Variants in MGAM2 observed in about 807,000 individuals in gnomAD.
MGAM2 encodes maltase-glucoamylase 2 (putative), also known as probable maltase-glucoamylase 2.
MGAM2 carries 98 observed loss-of-function variants against 96.1 expected under a neutral mutation model. The ratio of observed to expected loss-of-function variants is 1.02; its 90% CI spans 0.87 to 1.21. The LOEUF (loss-of-function observed/expected upper bound fraction) is 1.21, where lower values mean the gene tolerates loss of function less well. Ranked by LOEUF, MGAM2 falls within the 50% of genes most tolerant of loss-of-function variation. The pLI is 0.00. For synonymous variants in MGAM2, 749 were observed against 414.8 expected (o/e 1.81, Z -9.79); for missense variants, 2,055 against 1,182.4 (o/e 1.74, Z -10.82).
At chr7:142,156,723 A>G (rs190730922) in intron 17 of MGAM2, among the ~76,000 whole-genome samples, 8 of 152,238 alleles carry the variant, frequency 5.3e-5, no homozygotes, top group African/African-American at 1.9e-4. Flanking sequence ...GGTCTCATGG[A>G]GTCATTCTAT....
At position 142,196,184 on chromosome 7, in the gene MGAM2, G is replaced by T; in HGVS notation, c.4377G>T (p.Gly1459=). The T allele has an allele frequency of 8.3e-7, 1 of 1,202,366 alleles. No homozygotes were observed. The allele number at this position is 1,202,366 out of a possible 1,614,324, so 74.5% of individuals were successfully genotyped here. The change falls in exon 38 of 48, where the codon GGG becomes GGT. Residue 1459 remains glycine, a synonymous_variant. Transcript: ENST00000477922. The part of the protein sequence containing the change: ...EAVQEVTGQR[G]VIITRSTFPS... ...TGCAGGAGGTGACAGGACAGCGAGG[G>T]GTCATCATCACCCGCTCCACATTTC... is the stretch of plus-strand genomic sequence containing the variant.
At chr7:142,147,594 C>T (rs1167476811) in intron 15 of MGAM2, 21 bp downstream of exon 15, 5 of 697,358 alleles carry the variant, frequency 7.2e-6, no homozygotes, top group African/African-American at 1.7e-5. Context: ...GGTTTTCACC[C>T]TAATTCCAGA....
intron 37 of MGAM2, among the ~76,000 whole-genome samples, chr7:142,193,088 C>T (rs564712664): frequency 4.6e-5 from 7 of 152,102 alleles, no homozygotes; most frequent in Non-Finnish European, 8.8e-5. Flanking sequence ...AATCTTTCAA[C>T]TCCCTCTCAT....
Position 142,221,221 on chromosome 7 carries a change from T to C in MGAM2, c.6710T>C (p.Met2237Thr). The C allele has an allele frequency of 1.4e-6, 1 of 701,860 alleles. No homozygotes were observed. The allele number at this position is 701,860 out of a possible 1,614,324, so 43.5% of individuals were successfully genotyped here. A position where few individuals can be genotyped will look rare whatever the true frequency, so the allele number is the denominator to read the frequency against. Residue 2237 changes from methionine (M) to threonine (T), a missense_variant, in exon 48 of 48, where the codon ATG becomes ACG. Transcript: ENST00000477922. ...GCTAGCACAAATAATGATGCTTCTATGACAAATTTTCTTTTAGCTACAATG... is the reference window on the plus strand; with the variant it reads ...GCTAGCACAAATAATGATGCTTCTACGACAAATTTTCTTTTAGCTACAATG... The part of the protein sequence containing the change: ...DVASTNNDAS[M>T]TNFLLATMSA...
Position 142,166,542 on chromosome 7 carries a change from C to T in MGAM2, c.2808+289C>T, listed in dbSNP as rs140817323. On this transcript the variant is annotated intron_variant, in intron 25 of 47. Coordinates refer to ENST00000477922, the MANE Select transcript of MGAM2 (RefSeq NM_001293626.2). The stretch of plus-strand genomic sequence containing the variant: ...TCTATTTTAACCAATCTTGTTTTGT[C>T]TGTTGGAGAACACAAGCAGGAAGGG... Among the ~76,000 whole-genome samples the T allele has an allele frequency of 2.9e-3, 441 of 152,266 alleles. 1 individual carries two copies. The highest frequency in any genetic ancestry group is 0.014 in the Middle Eastern group (4 of 294).
Position 142,198,122 on chromosome 7 carries a change from T to C in MGAM2, c.4867-17T>C, listed in dbSNP as rs553130384. On this transcript the variant is annotated splice_polypyrimidine_tract_variant and intron_variant, in intron 42 of 47. Transcript: ENST00000477922. ...TTTTTGAAATATTCATAATGACATG[T>C]CAATTTTATGTTTCAGAGCACATTT... 108 of 701,762 alleles carry C rather than the reference T, an allele frequency of 1.5e-4. No individual in the cohort carries two copies. In the African/African-American group the frequency reaches 1.7e-3, roughly 11 times the overall value. 43.5% of individuals were successfully genotyped at this position (701,762 alleles called of 1,614,324 possible). A position where few individuals can be genotyped will look rare whatever the true frequency, so the allele number is the denominator to read the frequency against.
intron 14 of MGAM2, among the ~76,000 whole-genome samples, chr7:142,146,095 C>T (rs1654572547): frequency 2.0e-5 from 3 of 149,244 alleles, no homozygotes; most frequent in Non-Finnish European, 3.0e-5. Context: ...CTTCTCTGCT[C>T]TGTCTGGATT....
chr7:142,213,236 A>G (rs1180927386), intron 46 of MGAM2, among the ~76,000 whole-genome samples: 1 of 152,018 alleles, frequency 6.6e-6, no homozygotes, highest in Admixed American at 6.5e-5. Flanking sequence ...TCTAAAATCA[A>G]CACCCTAACA....
At chr7:142,195,345 CTTTTTTTTTTTT>C (rs1013124747) in intron 37 of MGAM2, among the ~76,000 whole-genome samples, 11 of 70,008 alleles carry the variant, frequency 1.6e-4, no homozygotes, top group African/African-American at 3.0e-4. Flanking sequence ...CCTTTTTACT[CTTTTTTTTTTTT>C]TTTTTTTTTT....
chr7:142,204,861 G>A (rs1030510690), intron 45 of MGAM2, among the ~76,000 whole-genome samples: 3 of 152,062 alleles, frequency 2.0e-5, no homozygotes, highest in Admixed American at 6.6e-5. Flanking sequence ...AAGTCAAAAA[G>A]AGGAGGTTGA....
In MGAM2 at chr7:142,218,324, T is replaced by A. The variant is rs1289842960; in HGVS notation, c.5188-37T>A. On this transcript the variant is annotated intron_variant, in intron 46 of 47. Coordinates refer to ENST00000477922, the MANE Select transcript of MGAM2 (RefSeq NM_001293626.2). ...TATGGACCATAGTCTATCAACAATA[T>A]GTTATGTATTCTTTTCTCTTTATAA... 21 of 617,086 alleles carry A rather than the reference T, an allele frequency of 3.4e-5. No homozygotes were observed. The East Asian group carries it at 5.9e-4, about 17-fold the overall frequency. The allele number at this position is 617,086 out of a possible 1,614,324, so 38.2% of individuals were successfully genotyped here.
intron 2 of MGAM2, 43 bp downstream of exon 2, chr7:142,117,022 T>A: frequency 1.4e-6 from 1 of 702,670 alleles, no homozygotes; most frequent in South Asian, 1.5e-5. Context: ...GTAAAGGAAG[T>A]CTCCTGTAAA....
chr7:142,146,142 G>GTTTTTTTTTTTTTTTTT (rs71166565), intron 14 of MGAM2, among the ~76,000 whole-genome samples: 1 of 108,972 alleles, frequency 9.2e-6, no homozygotes, highest in African/African-American at 3.5e-5. Context: ...AGTTTATCAT[G>GTTTTTTTTTTTTTTTTT]TTTTTTTTTT....
At chr7:142,187,714 GA>G (rs1319916885) in intron 35 of MGAM2, 35 bp from the exon 36 acceptor site, 1 of 700,708 alleles carries the variant, frequency 1.4e-6, no homozygotes, top group African/African-American at 1.7e-5. Context: ...TCCTGCCCCT[GA>G]CATGACGAGA....
chr7:142,201,776 C>A lies in MGAM2; in HGVS notation c.5137+1808C>A, dbSNP rs181626172. ...ACATTGGATCAGGTTTTATAAGTACCCTGGAGATTATTTAAAGTACACGGG... is the reference window on the plus strand; with the variant it reads ...ACATTGGATCAGGTTTTATAAGTACACTGGAGATTATTTAAAGTACACGGG... On this transcript the variant is annotated intron_variant, in intron 45 of 47. Transcript: ENST00000477922. Among the ~76,000 whole-genome samples, 221 of 152,064 alleles carry A rather than the reference C, an allele frequency of 1.5e-3. 2 individuals are homozygous for A. The highest frequency in any genetic ancestry group is 5.2e-3 in the African/African-American group (214 of 41,470).
chr7:142,145,782 G>T (rs1008810771), intron 14 of MGAM2, among the ~76,000 whole-genome samples: 1 of 152,110 alleles, frequency 6.6e-6, no homozygotes, highest in Admixed American at 6.6e-5. Flanking sequence ...GATTTTATGC[G>T]CAGGCCTAGA....
chr7:142,121,469 G>A (rs936775117), intron 3 of MGAM2, among the ~76,000 whole-genome samples: 1 of 152,042 alleles, frequency 6.6e-6, no homozygotes, highest in East Asian at 1.9e-4. Context: ...GAGCCACTAC[G>A]CCCGGCCCAT....
chr7:142,171,652 A>ATATATC (rs1796195367), intron 28 of MGAM2, among the ~76,000 whole-genome samples: 1 of 75,646 alleles, frequency 1.3e-5, no homozygotes, highest in African/African-American at 5.1e-5. Flanking sequence ...ATATATATAT[A>ATATATC]TATCCACAAC....
intron 46 of MGAM2, among the ~76,000 whole-genome samples, chr7:142,215,626 C>T (rs942882166): frequency 5.3e-5 from 8 of 151,856 alleles, no homozygotes; most frequent in Non-Finnish European, 7.4e-5. Flanking sequence ...GGCGTGGTGG[C>T]GCATGCCTGT....
Sources: gnomAD v4.1 joint callset for allele counts (sites outside exome capture counted in the v4.1 genomes callset) on GRCh38, gnomAD v4.1.1 for gene constraint, MANE v1.5 for transcripts, NCBI Gene and HGNC (gene_info 2026-07-23, HGNC 2026-07-21) for gene names.